LTBP1: variants seen among roughly 807,000 people sequenced by gnomAD.
LTBP1 encodes the protein latent transforming growth factor beta binding protein 1.
In LTBP1, 129 loss-of-function variants were observed where a neutral mutation model predicts 207.6. That is an observed-to-expected ratio of 0.62 (90% CI 0.54 to 0.72). The LOEUF (loss-of-function observed/expected upper bound fraction) is 0.72. LTBP1 is among the 30% of genes least tolerant of loss of function. The pLI is 0.00. For synonymous variants in LTBP1, 963 were observed against 833.7 expected, an observed-to-expected ratio of 1.16 and a Z score of -2.67; for missense variants, 2,281 against 2,217.2, an observed-to-expected ratio of 1.03 and a Z score of -0.58.
At chr2:33,163,663 T>C (rs890877453) in intron 5 of LTBP1, among the ~76,000 whole-genome samples, 1 of 152,186 alleles carries the variant, frequency 6.6e-6, no homozygotes, top group Non-Finnish European at 1.5e-5. Context: ...GTGTTATATA[T>C]ATGTAACAGA....
intron 7 of LTBP1, among the ~76,000 whole-genome samples, chr2:33,204,460 G>A (rs1295166963): frequency 1.3e-5 from 2 of 152,198 alleles, no homozygotes; most frequent in Admixed American, 6.5e-5. Flanking sequence ...AACAAAGAGA[G>A]CAATGCCTCC....
intron 22 of LTBP1, among the ~76,000 whole-genome samples, chr2:33,307,266 G>T (rs1056886309): frequency 1.3e-5 from 2 of 152,134 alleles, no homozygotes; most frequent in African/African-American, 4.8e-5. Context: ...CATGACCCAT[G>T]CATCGTTTTC....
At chr2:33,173,167 A>G (rs1229268352) in intron 5 of LTBP1, among the ~76,000 whole-genome samples, 1 of 152,200 alleles carries the variant, frequency 6.6e-6, no homozygotes, top group African/African-American at 2.4e-5. Flanking sequence ...AGCAGAAGTG[A>G]AGGAAATAGA....
At chr2:33,211,583 G>C (rs1377434600) in intron 7 of LTBP1, among the ~76,000 whole-genome samples, 1 of 152,156 alleles carries the variant, frequency 6.6e-6, no homozygotes, top group Non-Finnish European at 1.5e-5. Flanking sequence ...AATGACTCCA[G>C]TCCAGCACTC....
chr2:33,379,148 C>G, intron 31 of LTBP1, among the ~76,000 whole-genome samples: 1 of 146,160 alleles, frequency 6.8e-6, no homozygotes, highest in East Asian at 2.1e-4. Context: ...CTGCTCATTT[C>G]AAGAAAATAC....
Position 33,102,138 on chromosome 2 carries a change from T to C in LTBP1, c.864-8444T>C, listed in dbSNP as rs117662024. On this transcript the variant is annotated intron_variant, in intron 3 of 33. Transcript: ENST00000404816. ...GGTCGAAATTTCTGTGTGCCTGGCC[T>C]CATCATCTCTGTAAACCTGTCTGTC... Among the ~76,000 whole-genome samples, 1,219 of 152,304 alleles carry C rather than the reference T, an allele frequency of 8.0e-3. 11 individuals are homozygous for C. Among genetic ancestry groups the C allele is most frequent in the Middle Eastern group, 0.01 (3 of 294 alleles).
chr2:33,201,944 C>T (rs988613817), intron 7 of LTBP1, among the ~76,000 whole-genome samples: 2 of 150,464 alleles, frequency 1.3e-5, no homozygotes, highest in African/African-American at 4.9e-5. Flanking sequence ...CATTGGAGAA[C>T]AAGATTATCT....
intron 26 of LTBP1, among the ~76,000 whole-genome samples, chr2:33,352,796 C>G (rs571964298): frequency 6.6e-6 from 1 of 152,132 alleles, no homozygotes; most frequent in Non-Finnish European, 1.5e-5. Context: ...CAGCAATACC[C>G]TTTATCTTCT....
At position 33,002,228 on chromosome 2, in the gene LTBP1, A is replaced by G. The variant is rs1162510741; in HGVS notation, c.566-18681A>G. Among the ~76,000 whole-genome samples the G allele has an allele frequency of 2.0e-5, 3 of 152,106 alleles. 1 individual carries two copies. Among genetic ancestry groups the G allele is most frequent in the Non-Finnish European group, 4.4e-5 (3 of 68,024 alleles). On this transcript the variant is annotated intron_variant, in intron 2 of 33. Coordinates refer to ENST00000404816, the MANE Select transcript of LTBP1 (RefSeq NM_206943.4). ...CTGTGGTGGAAAATATTTAACTTCA[A>G]TTTTCAGAAGTACACCTGAGTGACT...
chr2:33,036,193 T>G (rs2075909776), intron 3 of LTBP1, among the ~76,000 whole-genome samples: 1 of 152,092 alleles, frequency 6.6e-6, no homozygotes, highest in African/African-American at 2.4e-5. Context: ...AAAATACGGC[T>G]TGTTGGGCCC....
chr2:33,259,833 C>T (rs2092963211), intron 13 of LTBP1, among the ~76,000 whole-genome samples: 1 of 152,014 alleles, frequency 6.6e-6, no homozygotes, highest in South Asian at 2.1e-4. Context: ...ACAAATAGGA[C>T]AAAAATCTCT....
At chr2:33,221,344 G>A (rs2091086795) in intron 8 of LTBP1, among the ~76,000 whole-genome samples, 1 of 152,204 alleles carries the variant, frequency 6.6e-6, no homozygotes, top group Admixed American at 6.5e-5. Flanking sequence ...GATAGGAAGA[G>A]GATTTGAAAT....
intron 24 of LTBP1, among the ~76,000 whole-genome samples, chr2:33,323,628 C>A (rs369165926): frequency 1.8e-5 from 1 of 55,038 alleles, no homozygotes; most frequent in Non-Finnish European, 3.8e-5. Flanking sequence ...GACTCCGTCT[C>A]AAAACAAACA....
At chr2:33,133,010 C>G (rs1052920259) in intron 4 of LTBP1, among the ~76,000 whole-genome samples, 1 of 152,124 alleles carries the variant, frequency 6.6e-6, no homozygotes, top group Non-Finnish European at 1.5e-5. Context: ...ACTGCCATAA[C>G]TATCATGTGC....
At chr2:33,132,180 A>G (rs895747717) in intron 4 of LTBP1, among the ~76,000 whole-genome samples, 1 of 152,254 alleles carries the variant, frequency 6.6e-6, no homozygotes, top group Non-Finnish European at 1.5e-5. Context: ...TGGGTTTCAC[A>G]CACTTGAACA....
intron 24 of LTBP1, among the ~76,000 whole-genome samples, chr2:33,340,811 A>G (rs762435520): frequency 9.9e-5 from 15 of 152,224 alleles, no homozygotes; most frequent in Non-Finnish European, 1.8e-4. Context: ...CAGTAATTGT[A>G]GGAACTTACC....
chr2:33,212,477 G>C (rs1271908016), intron 7 of LTBP1, among the ~76,000 whole-genome samples: 1 of 152,140 alleles, frequency 6.6e-6, no homozygotes, highest in Non-Finnish European at 1.5e-5. Flanking sequence ...GTAGTAACTT[G>C]TATTTCCTAG....
chr2:33,279,979 G>A, intron 18 of LTBP1, 60 bp from the exon 19 acceptor site: 1 of 1,594,208 alleles, frequency 6.3e-7, no homozygotes, highest in South Asian at 1.1e-5. Flanking sequence ...TCATCACAAA[G>A]TAAGATTTTG....
intron 2 of LTBP1, among the ~76,000 whole-genome samples, chr2:32,983,538 G>C (rs1683081721): frequency 6.6e-6 from 1 of 152,192 alleles, no homozygotes; most frequent in Non-Finnish European, 1.5e-5. Context: ...TGGTTTGTCT[G>C]TGTCCCCACC....
Sources: gnomAD v4.1 joint callset for allele counts (sites outside exome capture counted in the v4.1 genomes callset) on GRCh38, gnomAD v4.1.1 for gene constraint, MANE v1.5 for transcripts, NCBI Gene and HGNC (gene_info 2026-07-23, HGNC 2026-07-21) for gene names.